Variants in IP6K1 observed in about 807,000 individuals in gnomAD.
IP6K1 encodes inositol hexakisphosphate kinase 1.
A neutral mutation model predicts 38.3 loss-of-function variants in IP6K1; 13 were observed. That is an observed-to-expected ratio of 0.34 (90% confidence interval 0.22 to 0.54). IP6K1 has a LOEUF of 0.54. IP6K1 is among the 20% of genes least tolerant of loss of function. IP6K1 has a pLI of 0.92. For missense variants in IP6K1, 397 were observed against 599.8 expected (o/e 0.66, Z 3.53); for synonymous variants, 212 against 229.9 (o/e 0.92, Z 0.70).
rs144719330 is a variant in IP6K1 at position 49,747,495 on chromosome 3, G to C, written c.223+323C>G. ...ACCTGGAAGTATCCATTCCGCCTCC[G>C]GGACGAGAGAAATGTTCCCTCTTCT... On this transcript the variant is annotated intron_variant, in intron 2 of 5. Coordinates refer to ENST00000321599, the MANE Select transcript of IP6K1 (RefSeq NM_153273.4). Among the ~76,000 whole-genome samples, 32 of 152,136 alleles carry C rather than the reference G, an allele frequency of 2.1e-4. 1 individual carries two copies. The highest frequency in any genetic ancestry group is 7.0e-4 in the African/African-American group (29 of 41,496).
intron 4 of IP6K1, among the ~76,000 whole-genome samples, chr3:49,730,085 G>T (rs551699555): frequency 4.9e-4 from 74 of 151,980 alleles, no homozygotes; most frequent in Middle Eastern, 3.2e-3. Context: ...GTAGAGCAGG[G>T]TTTTACCATG....
At chr3:49,728,872 G>C (rs2080537074) in intron 4 of IP6K1, among the ~76,000 whole-genome samples, 1 of 151,892 alleles carries the variant, frequency 6.6e-6, no homozygotes, top group Non-Finnish European at 1.5e-5. Context: ...ACCACGCCCA[G>C]CTAGAACTTT....
At chr3:49,765,103 T>C (rs2080900321) in intron 1 of IP6K1, among the ~76,000 whole-genome samples, 1 of 152,044 alleles carries the variant, frequency 6.6e-6, no homozygotes, top group South Asian at 2.1e-4. Context: ...TAGGATAACA[T>C]ATATAAGTCC....
intron 1 of IP6K1, among the ~76,000 whole-genome samples, chr3:49,774,016 CACA>C (rs2080983860): frequency 2.6e-5 from 3 of 113,508 alleles, no homozygotes; most frequent in South Asian, 2.4e-4. Context: ...CACACACACA[CACA>C]ACACACACAT....
intron 2 of IP6K1, among the ~76,000 whole-genome samples, chr3:49,741,794 T>C (rs1235544877): frequency 1.3e-5 from 2 of 152,172 alleles, no homozygotes; most frequent in Non-Finnish European, 2.9e-5. Context: ...AAAAAATCCC[T>C]TAAAAGGTAA....
intron 4 of IP6K1, among the ~76,000 whole-genome samples, chr3:49,729,621 GTCTTGAAC>G (rs1382612783): frequency 6.6e-6 from 1 of 151,912 alleles, no homozygotes; most frequent in Admixed American, 6.6e-5. Flanking sequence ...GGTCAGGTTG[GTCTTGAAC>G]TCCCCCGACC....
intron 1 of IP6K1, among the ~76,000 whole-genome samples, chr3:49,763,914 C>T (rs1320353913): frequency 6.6e-6 from 1 of 151,856 alleles, no homozygotes; most frequent in African/African-American, 2.4e-5. Flanking sequence ...CCCAGCTACT[C>T]GGGAGGCTGA....
chr3:49,737,595 A>G (rs2108228201), intron 3 of IP6K1, among the ~76,000 whole-genome samples: 1 of 152,326 alleles, frequency 6.6e-6, no homozygotes, highest in Non-Finnish European at 1.5e-5. Context: ...CAGAGGCAGG[A>G]GAATTGCTTG....
intron 1 of IP6K1, among the ~76,000 whole-genome samples, chr3:49,772,050 A>C (rs1308729630): frequency 2.6e-5 from 4 of 151,698 alleles, no homozygotes; most frequent in African/African-American, 7.3e-5. Flanking sequence ...CTCTACAGAA[A>C]ATTTTTTTAA....
At position 49,747,879 on chromosome 3, in the gene IP6K1, C is replaced by G. The variant is rs374272107; in HGVS notation, c.162G>C (p.Arg54=). 1.3e-5 allele frequency: 21 copies of G among 1,614,156 alleles called. 1 individual carries two copies. Among genetic ancestry groups the G allele is most frequent in the Middle Eastern group, 1.6e-4 (1 of 6,062 alleles). The change falls in exon 2 of 6, where the codon CGG becomes CGC. Residue 54 remains arginine, a synonymous_variant. Coordinates refer to ENST00000321599, the MANE Select transcript of IP6K1 (RefSeq NM_153273.4). Reference sequence around the variant, plus strand: ...GGAGGGACTCGTAAAAGCGCTGTTCCCGGGAGATGAGGGGCTTGCACACAG... The same window carrying G: ...GGAGGGACTCGTAAAAGCGCTGTTCGCGGGAGATGAGGGGCTTGCACACAG... ...DHTVCKPLIS[R]EQRFYESLPP...
At chr3:49,728,736 C>A (rs897507481) in intron 4 of IP6K1, among the ~76,000 whole-genome samples, 1 of 151,990 alleles carries the variant, frequency 6.6e-6, no homozygotes, top group Admixed American at 6.6e-5. Context: ...CCACTACACC[C>A]GGCTCATTTT....
At chr3:49,746,964 A>C (rs2080725891) in intron 2 of IP6K1, among the ~76,000 whole-genome samples, 1 of 152,230 alleles carries the variant, frequency 6.6e-6, no homozygotes, top group African/African-American at 2.4e-5. Flanking sequence ...AAAATTCAGG[A>C]AATGGACAGT....
chr3:49,733,826 T>G (rs2080583519), intron 3 of IP6K1, among the ~76,000 whole-genome samples: 1 of 152,126 alleles, frequency 6.6e-6, no homozygotes, highest in African/African-American at 2.4e-5. Flanking sequence ...AGGAAGGAAA[T>G]TTTATTTCTA....
intron 2 of IP6K1, among the ~76,000 whole-genome samples, chr3:49,744,647 G>C (rs2080706186): frequency 6.6e-6 from 1 of 152,058 alleles, no homozygotes; most frequent in Admixed American, 6.6e-5. Context: ...CCCGAACTCA[G>C]GAACCAACCA....
intron 2 of IP6K1, among the ~76,000 whole-genome samples, chr3:49,744,365 G>A (rs1051342899): frequency 1.7e-5 from 2 of 116,934 alleles, no homozygotes; most frequent in Non-Finnish European, 3.2e-5. Context: ...CTGCGCCACT[G>A]CACTCCAACC....
intron 1 of IP6K1, among the ~76,000 whole-genome samples, chr3:49,784,631 C>T (rs1255781575): frequency 1.4e-5 from 2 of 137,992 alleles, no homozygotes; most frequent in Non-Finnish European, 3.1e-5. Context: ...GGTGAGAGAA[C>T]GAGACTTCGT....
At chr3:49,730,955 G>A (rs974300765) in intron 4 of IP6K1, among the ~76,000 whole-genome samples, 5 of 151,696 alleles carry the variant, frequency 3.3e-5, no homozygotes, top group Admixed American at 1.3e-4. Context: ...GTGATCTGCC[G>A]GCCTCGGCCT....
chr3:49,752,045 G>A (rs751160020), intron 1 of IP6K1, among the ~76,000 whole-genome samples: 3 of 152,052 alleles, frequency 2.0e-5, no homozygotes, highest in Non-Finnish European at 4.4e-5. Flanking sequence ...GGGGTCTGTC[G>A]TCCAGGCTGG....
In IP6K1 at chr3:49,727,012, AG is replaced by A; in HGVS notation, c.*109del. 1 of 1,110,156 alleles carries A rather than the reference AG, an allele frequency of 9.0e-7. No homozygotes were observed. The highest frequency in any genetic ancestry group is 1.3e-6 in the Non-Finnish European group (1 of 770,870). 68.8% of individuals were successfully genotyped at this position (1,110,156 alleles called of 1,614,324 possible). ...AAACATTTCTTTTAGTTTACACCAA[AG>A]AGAAATATAACCCTTTAAAAGCAAG... On this transcript the variant is annotated 3_prime_UTR_variant, in exon 6 of 6. Coordinates refer to ENST00000321599, the MANE Select transcript of IP6K1 (RefSeq NM_153273.4). This position sits in a 1 kb window ranked among gnomAD's most constrained non-coding sequence, Gnocchi z 5.9.
Sources: gnomAD v4.1 joint callset for allele counts (sites outside exome capture counted in the v4.1 genomes callset) on GRCh38, gnomAD v4.1.1 for gene constraint, Gnocchi (gnomAD v3.1) non-coding constraint, MANE v1.5 for transcripts, NCBI Gene and HGNC (gene_info 2026-07-23, HGNC 2026-07-21) for gene names.